Variants in PRKAR1B observed in about 807,000 individuals in gnomAD.
PRKAR1B encodes cAMP-dependent protein kinase type I-beta regulatory subunit.
PRKAR1B carries 22 observed loss-of-function variants against 46.5 expected under a neutral mutation model. That is an observed-to-expected ratio of 0.47 (90% confidence interval 0.34 to 0.68). PRKAR1B has a LOEUF of 0.68. Ranked by LOEUF, PRKAR1B falls within the 30% of genes least tolerant of loss-of-function variation. The pLI is 0.01. For synonymous variants in PRKAR1B, 259 were observed against 217.7 expected (o/e 1.19, Z -1.67); for missense variants, 445 against 535.6 (o/e 0.83, Z 1.67).
At chr7:727,871 T>C (rs1331557940), upstream of PRKAR1B, among the ~76,000 whole-genome samples, 7 of 144,964 alleles carry the variant, frequency 4.8e-5, no homozygotes, top group African/African-American at 1.8e-4. Flanking sequence ...TCCAGATACC[T>C]GGAAACCACC....
rs1358923172 is a variant in PRKAR1B, at chr7:602,983, T to C, written c.549+3210A>G. On this transcript the variant is annotated intron_variant, in intron 6 of 10. Transcript: ENST00000537384. This position sits in a 1 kb window ranked among gnomAD's most constrained non-coding sequence, Gnocchi z 6.4. ...AGACACGACAAGTTAGGCGGGAACA[T>C]AACCTGGGAGCCCCATGTCGGTTTC... 6.6e-6 allele frequency among the ~76,000 whole-genome samples: 1 copy of C among 152,062 alleles called. No homozygotes were observed. Among genetic ancestry groups the C allele is most frequent in the African/African-American group, 2.4e-5 (1 of 41,408 alleles).
intron 9 of PRKAR1B, among the ~76,000 whole-genome samples, chr7:553,686 T>C (rs1358250066): frequency 6.6e-6 from 1 of 152,148 alleles, no homozygotes; most frequent in African/African-American, 2.4e-5. Context: ...CCTCAACAAA[T>C]GCCAGCCAGG....
At chr7:629,719 G>A (rs112776864) in intron 4 of PRKAR1B, among the ~76,000 whole-genome samples, 9 of 49,094 alleles carry the variant, frequency 1.8e-4, no homozygotes, top group East Asian at 8.7e-4. Flanking sequence ...CAGGAGCGGG[G>A]CCACGGCCTC....
chr7:726,895 G>C, intron 1 of PRKAR1B: 2 of 1,335,224 alleles, frequency 1.5e-6, no homozygotes, highest in Non-Finnish European at 1.9e-6. Flanking sequence ...CGCGCTGGAG[G>C]AGCCAGGCCC....
intron 7 of PRKAR1B, among the ~76,000 whole-genome samples, chr7:589,509 C>G (rs1032477141): frequency 1.5e-4 from 10 of 67,012 alleles, no homozygotes; most frequent in Admixed American, 3.6e-4. Context: ...CAATCAGGCA[C>G]CTCCCGAGAT....
intron 8 of PRKAR1B, among the ~76,000 whole-genome samples, chr7:582,349 G>A (rs2128444847): frequency 6.6e-6 from 1 of 152,382 alleles, no homozygotes; most frequent in East Asian, 1.9e-4. Context: ...GGACAGAAAT[G>A]CCGAAGCCCA....
intron 2 of PRKAR1B, among the ~76,000 whole-genome samples, chr7:689,666 A>T (rs1779300476): frequency 6.7e-6 from 1 of 149,438 alleles, no homozygotes. Flanking sequence ...GCCTGCATAT[A>T]AAAAAAGACC....
chr7:634,073 A>T (rs1783906227), intron 4 of PRKAR1B, among the ~76,000 whole-genome samples: 1 of 152,182 alleles, frequency 6.6e-6, no homozygotes, highest in South Asian at 2.1e-4. Flanking sequence ...CCCAGGCTGC[A>T]GTGCAATGGT....
intron 4 of PRKAR1B, among the ~76,000 whole-genome samples, chr7:634,084 G>A (rs1406755700): frequency 6.6e-6 from 1 of 152,132 alleles, no homozygotes; most frequent in Non-Finnish European, 1.5e-5. Flanking sequence ...GTGCAATGGT[G>A]TGATCTCAGC....
At chr7:552,771 G>A (rs1025786650) in intron 9 of PRKAR1B, among the ~76,000 whole-genome samples, 2 of 152,224 alleles carry the variant, frequency 1.3e-5, no homozygotes, top group African/African-American at 4.8e-5. Context: ...CAGGGCTGCC[G>A]GTCTCCAAGC....
intron 4 of PRKAR1B, among the ~76,000 whole-genome samples, chr7:631,851 G>A (rs886250393): frequency 5.3e-5 from 8 of 152,098 alleles, no homozygotes. Context: ...CAGCTACTCG[G>A]GAGGCTGAGG....
intron 9 of PRKAR1B, among the ~76,000 whole-genome samples, chr7:562,457 G>T (rs557507777): frequency 6.6e-6 from 1 of 152,166 alleles, no homozygotes; most frequent in African/African-American, 2.4e-5. Context: ...GACGACGGCA[G>T]ACACCTCCCT....
intron 1 of PRKAR1B, among the ~76,000 whole-genome samples, chr7:715,816 C>CT (rs1422902121): frequency 6.6e-6 from 1 of 151,124 alleles, no homozygotes; most frequent in Non-Finnish European, 1.5e-5. Context: ...CCCGGGTTCA[C>CT]GCCATTCTCC....
chr7:604,092 C>T (rs1020578196), intron 6 of PRKAR1B, among the ~76,000 whole-genome samples: 2 of 152,176 alleles, frequency 1.3e-5, no homozygotes, highest in South Asian at 4.1e-4. Flanking sequence ...GCCCCATCTG[C>T]TGGGGGCTGA....
chr7:593,431 G>C lies in PRKAR1B; in HGVS notation c.708+2715C>G, dbSNP rs1039288098. On this transcript the variant is annotated intron_variant, in intron 7 of 10. Coordinates refer to ENST00000537384, the MANE Select transcript of PRKAR1B (RefSeq NM_001164760.2). The surrounding 1 kb of genome is among the most constrained non-coding windows in gnomAD (Gnocchi z 6.1). ...AGCCCGGCGCGGCCAGCTATTCTTA[G>C]CGCACAGGGACCCAAAATTAAAACA... Among the ~76,000 whole-genome samples, 2 of 152,180 alleles carry C rather than the reference G, an allele frequency of 1.3e-5. No individual in the cohort carries two copies. Among genetic ancestry groups the C allele is most frequent in the Non-Finnish European group, 2.9e-5 (2 of 68,030 alleles).
intron 7 of PRKAR1B, among the ~76,000 whole-genome samples, chr7:587,499 C>A (rs778799580): frequency 6.6e-6 from 1 of 152,246 alleles, no homozygotes; most frequent in Non-Finnish European, 1.5e-5. Context: ...CCAGGGCCTG[C>A]GCCTACCCAC....
At chr7:630,956 T>G (rs929564177) in intron 4 of PRKAR1B, among the ~76,000 whole-genome samples, 7 of 151,664 alleles carry the variant, frequency 4.6e-5, no homozygotes, top group Non-Finnish European at 2.9e-5. Flanking sequence ...TCGGATTTTT[T>G]TTTTTTTTTT....
intron 6 of PRKAR1B, among the ~76,000 whole-genome samples, chr7:600,701 C>T (rs1276706988): frequency 2.6e-5 from 4 of 152,062 alleles, no homozygotes; most frequent in South Asian, 2.1e-4. Flanking sequence ...GTGGGGACGT[C>T]GTGATGCCTG....
intron 8 of PRKAR1B, among the ~76,000 whole-genome samples, chr7:581,532 C>T (rs904292544): frequency 7.9e-5 from 12 of 152,156 alleles, no homozygotes; most frequent in East Asian, 1.9e-4. Flanking sequence ...TAATACGAGG[C>T]ATCTCATTTC....
Sources: allele counts gnomAD v4.1 joint callset (sites outside exome capture counted in the v4.1 genomes callset), GRCh38; gene constraint gnomAD v4.1.1; non-coding constraint Gnocchi (gnomAD v3.1); transcripts MANE v1.5; gene names NCBI Gene and HGNC (gene_info 2026-07-23, HGNC 2026-07-21).